The following ALK variants were observed in gnomAD, a reference collection of about 807,000 sequenced individuals.
ALK encodes ALK tyrosine kinase receptor.
Under a neutral mutation model 163.1 loss-of-function variants are expected in ALK, and 74 were observed. The observed-to-expected ratio is 0.45, with a 90% CI of 0.38 to 0.55. The LOEUF is 0.55. ALK is among the 20% of genes least tolerant of loss of function. The pLI, the probability that ALK is intolerant of heterozygous loss-of-function variation, is 0.00. For synonymous variants in ALK, 960 were observed against 843.2 expected (o/e 1.14, Z -2.40); for missense variants, 2,063 against 2,105.3 (o/e 0.98, Z 0.39).
intron 4 of ALK, among the ~76,000 whole-genome samples, chr2:29,528,892 C>T (rs547598136): frequency 6.6e-6 from 1 of 152,292 alleles, no homozygotes; most frequent in South Asian, 2.1e-4. Flanking sequence ...TTCCTTGCTT[C>T]TCTGGTCATT....
intron 1 of ALK, among the ~76,000 whole-genome samples, chr2:29,813,772 C>A (rs145427683): frequency 6.6e-6 from 1 of 152,278 alleles, no homozygotes; most frequent in Non-Finnish European, 1.5e-5. Flanking sequence ...CCTTGTGGAA[C>A]CCCGTAACTC....
intron 1 of ALK, among the ~76,000 whole-genome samples, chr2:29,818,573 C>G (rs948470849): frequency 2.6e-5 from 4 of 152,372 alleles, no homozygotes; most frequent in African/African-American, 7.2e-5. Flanking sequence ...CTGTTCGCCC[C>G]CAAAGCAAGG....
At chr2:29,831,259 GGAAGAAGAA>G (rs201594262) in intron 1 of ALK, among the ~76,000 whole-genome samples, 934 of 28,130 alleles carry the variant, frequency 0.033, 129 homozygotes, top group South Asian at 0.044. Context: ...AAGAGGAAGA[GGAAGAAGAA>G]GAAGAAGAAG....
At chr2:29,526,329 G>A (rs1278794377) in intron 4 of ALK, among the ~76,000 whole-genome samples, 3 of 152,174 alleles carry the variant, frequency 2.0e-5, no homozygotes, top group Non-Finnish European at 4.4e-5. Context: ...AGAATACTTA[G>A]AGCTCAAGTC....
chr2:29,919,924 ATT>A (rs1403021354), intron 1 of ALK, 67 bp downstream of exon 1: 5 of 1,563,766 alleles, frequency 3.2e-6, no homozygotes, highest in African/African-American at 2.7e-5. Flanking sequence ...AGTGAAGATT[ATT>A]TAATGGTTGC....
chr2:29,887,444 C>T (rs939685338), intron 1 of ALK, among the ~76,000 whole-genome samples: 1 of 152,192 alleles, frequency 6.6e-6, no homozygotes, highest in African/African-American at 2.4e-5. Context: ...ACGACCTTTT[C>T]TGTCCTATGC....
chr2:29,727,236 T>A (rs536642076), intron 1 of ALK, among the ~76,000 whole-genome samples: 28 of 152,326 alleles, frequency 1.8e-4, no homozygotes, highest in Middle Eastern at 6.8e-3. Context: ...CAAGGGAAGA[T>A]GCTTAGGGTG....
chr2:29,300,141 G>A (rs575648767), intron 8 of ALK, among the ~76,000 whole-genome samples: 1 of 152,204 alleles, frequency 6.6e-6, no homozygotes, highest in Admixed American at 6.5e-5. Flanking sequence ...CCCATGCAGG[G>A]TCACTGTAGA....
chr2:29,867,976 T>G (rs937130949), intron 1 of ALK, among the ~76,000 whole-genome samples: 5 of 152,168 alleles, frequency 3.3e-5, no homozygotes, highest in African/African-American at 9.7e-5. Context: ...ACAGAAGACA[T>G]GGACCCTGCA....
chr2:29,390,578 GAA>G, intron 4 of ALK, among the ~76,000 whole-genome samples: 1 of 146,094 alleles, frequency 6.8e-6, no homozygotes, highest in East Asian at 2.0e-4. Context: ...GAAAGAAAGA[GAA>G]AAAAAAAAAA....
intron 4 of ALK, among the ~76,000 whole-genome samples, chr2:29,528,951 G>A (rs1164945836): frequency 6.6e-6 from 1 of 152,140 alleles, no homozygotes; most frequent in Non-Finnish European, 1.5e-5. Flanking sequence ...TGTCCCCTGC[G>A]AGACTCCAGC....
At chr2:29,605,302 C>T (rs1389985782) in intron 3 of ALK, among the ~76,000 whole-genome samples, 2 of 152,262 alleles carry the variant, frequency 1.3e-5, no homozygotes, top group East Asian at 1.9e-4. Flanking sequence ...CTTCCTTGCT[C>T]GCTACTCACC....
chr2:29,848,680 G>A (rs1665911739), intron 1 of ALK, among the ~76,000 whole-genome samples: 1 of 152,178 alleles, frequency 6.6e-6, no homozygotes, highest in African/African-American at 2.4e-5. Flanking sequence ...AGCTTCCTGT[G>A]GCTAAATTCT....
chr2:29,768,441 T>G (rs1680922980), intron 1 of ALK, among the ~76,000 whole-genome samples: 1 of 152,184 alleles, frequency 6.6e-6, no homozygotes, highest in Non-Finnish European at 1.5e-5. Context: ...CAGATAGCCT[T>G]GATTGCATAA....
At chr2:29,326,571 G>A (rs1177620567) in intron 6 of ALK, among the ~76,000 whole-genome samples, 3 of 152,316 alleles carry the variant, frequency 2.0e-5, no homozygotes, top group African/African-American at 4.8e-5. Context: ...TGGGCCATGT[G>A]TGTAGTGAGA....
intron 1 of ALK, chr2:29,907,003 G>A (rs563861989): frequency 8.1e-6 from 1 of 122,718 alleles, no homozygotes; most frequent in African/African-American, 3.0e-5. Context: ...ATGCTGGAGT[G>A]CAGTGGCGCA....
chr2:29,234,805 C>T (rs2148185462), intron 13 of ALK, among the ~76,000 whole-genome samples: 1 of 152,366 alleles, frequency 6.6e-6, no homozygotes, highest in Admixed American at 6.5e-5. Flanking sequence ...CGTGCAATGG[C>T]ACGACCTTGG....
At chr2:29,899,448 G>A (rs1667352830) in intron 1 of ALK, 1 of 152,286 alleles carries the variant, frequency 6.6e-6, no homozygotes, top group Non-Finnish European at 1.5e-5. Flanking sequence ...GAAAGACAGA[G>A]AGCCTGGGCT....
chr2:29,628,454 T>G (rs1177386960), intron 3 of ALK, among the ~76,000 whole-genome samples: 1 of 152,200 alleles, frequency 6.6e-6, no homozygotes, highest in African/African-American at 2.4e-5. Context: ...ACCAGGAGAA[T>G]GCTTCAGGGT....
Sources: gnomAD v4.1 joint callset for allele counts (sites outside exome capture counted in the v4.1 genomes callset) on GRCh38, gnomAD v4.1.1 for gene constraint, MANE v1.5 for transcripts, NCBI Gene and HGNC (gene_info 2026-07-23, HGNC 2026-07-21) for gene names.